PCOLCE2: variants seen among roughly 807,000 people sequenced by gnomAD.
PCOLCE2 encodes procollagen C-proteinase enhancer 2.
PCOLCE2 carries 42 observed loss-of-function variants against 47.0 expected under a neutral mutation model. The observed-to-expected ratio is 0.89, with a 90% CI of 0.70 to 1.16. The LOEUF (loss-of-function observed/expected upper bound fraction) is 1.16, where lower values mean the gene tolerates loss of function less well. Ranked by LOEUF, PCOLCE2 falls within the 50% of genes most tolerant of loss-of-function variation. PCOLCE2 has a pLI of 0.00. For synonymous variants in PCOLCE2, 169 were observed against 191.7 expected (o/e 0.88, Z 0.98); for missense variants, 500 against 526.1 (o/e 0.95, Z 0.49).
rs1474856504 is a variant in PCOLCE2 at position 142,842,296 on chromosome 3, C to T, written c.573+628G>A. Among the ~76,000 whole-genome samples the T allele has an allele frequency of 6.6e-6, 1 of 152,058 alleles. No homozygotes were observed. The highest frequency in any genetic ancestry group is 1.5e-5 in the Non-Finnish European group (1 of 68,016). ...CATGGACCTGGGGATTTTTATCCTC[C>T]CACAGTTAGTCGCTGCTGCTTATAA... On this transcript the variant is annotated intron_variant, in intron 4 of 8. Transcript: ENST00000295992. The surrounding 1 kb of genome is among the most constrained non-coding windows in gnomAD (Gnocchi z 4.1).
At chr3:142,846,508 C>T (rs751136254) in intron 3 of PCOLCE2, 3 of 152,182 alleles carry the variant, frequency 2.0e-5, no homozygotes, top group Non-Finnish European at 2.9e-5. Context: ...CCCCTCTTGA[C>T]TCTGTGAGTT....
intron 2 of PCOLCE2, among the ~76,000 whole-genome samples, chr3:142,868,828 G>GCACT (rs1331431066): frequency 6.6e-6 from 1 of 152,138 alleles, no homozygotes; most frequent in Non-Finnish European, 1.5e-5. Context: ...CTGTAAGGGC[G>GCACT]CACTATTCAA....
Position 142,886,681 on chromosome 3 carries a change from C to T in PCOLCE2, c.192+988G>A, listed in dbSNP as rs544261517. On this transcript the variant is annotated intron_variant, in intron 2 of 8. Coordinates refer to ENST00000295992, the MANE Select transcript of PCOLCE2 (RefSeq NM_013363.4). Reference sequence around the variant, plus strand: ...TTTACTTTTACATAAAGTTGGGCTTCCCGACTGTCTGATCAAGTCAATTTC... The same window carrying T: ...TTTACTTTTACATAAAGTTGGGCTTTCCGACTGTCTGATCAAGTCAATTTC... Among the ~76,000 whole-genome samples the T allele has an allele frequency of 2.6e-5, 4 of 152,280 alleles. No homozygotes were observed. The South Asian group carries it at 8.3e-4, about 32-fold the overall frequency.
At chr3:142,827,045 G>A in intron 6 of PCOLCE2, 1 of 940,418 alleles carries the variant, frequency 1.1e-6, no homozygotes, top group South Asian at 1.4e-5. Context: ...ATATATTGAT[G>A]ACTCTTACTT....
chr3:142,833,889 CCT>C (rs1356768885), intron 5 of PCOLCE2, among the ~76,000 whole-genome samples: 4 of 151,810 alleles, frequency 2.6e-5, no homozygotes, highest in Admixed American at 6.6e-5. Context: ...TTTTCTTTTC[CCT>C]CTCTTTCAGG....
At position 142,888,797 on chromosome 3, in the gene PCOLCE2, G is replaced by A; in HGVS notation, c.83+17C>T. 1.4e-6 allele frequency: 2 copies of A among 1,451,206 alleles called. No individual in the cohort carries two copies. The highest frequency in any genetic ancestry group is 1.4e-5 in the South Asian group (1 of 71,836). 89.9% of individuals were successfully genotyped at this position (1,451,206 alleles called of 1,614,324 possible). A position where few individuals can be genotyped will look rare whatever the true frequency, so the allele number is the denominator to read the frequency against. On this transcript the variant is annotated intron_variant, in intron 1 of 8. Coordinates refer to ENST00000295992, the MANE Select transcript of PCOLCE2 (RefSeq NM_013363.4). ...AGGGAAAGGAGAGAAAGGGAGCCCG[G>A]GCAGGGGTCGCGTTACCTCTCTGGG... is the stretch of plus-strand genomic sequence containing the variant.
chr3:142,857,606 T>C (rs1236666805), intron 2 of PCOLCE2, among the ~76,000 whole-genome samples: 1 of 152,170 alleles, frequency 6.6e-6, no homozygotes, highest in African/African-American at 2.4e-5. Context: ...AAAAAATCCA[T>C]GACAAACTGT....
intron 2 of PCOLCE2, 87 bp downstream of exon 2, chr3:142,887,582 A>C (rs1933739112): frequency 1.4e-6 from 1 of 718,720 alleles, no homozygotes; most frequent in Admixed American, 2.3e-5. Context: ...CTCTTACTCA[A>C]ATCCTAACAC....
At chr3:142,868,627 A>G (rs541687429) in intron 2 of PCOLCE2, among the ~76,000 whole-genome samples, 18 of 152,084 alleles carry the variant, frequency 1.2e-4, no homozygotes, top group African/African-American at 4.3e-4. Context: ...CACCTTGCAT[A>G]ACCATTTTTT....
intron 2 of PCOLCE2, among the ~76,000 whole-genome samples, chr3:142,856,272 G>A (rs1235688913): frequency 2.0e-5 from 3 of 152,186 alleles, no homozygotes; most frequent in East Asian, 3.9e-4. Flanking sequence ...GGCACATACT[G>A]TAATTTCCAT....
At chr3:142,827,953 C>T (rs1483275571) in intron 6 of PCOLCE2, among the ~76,000 whole-genome samples, 2 of 152,194 alleles carry the variant, frequency 1.3e-5, no homozygotes, top group Non-Finnish European at 2.9e-5. Context: ...CTGACACCTA[C>T]CTCCCTGACC....
intron 5 of PCOLCE2, among the ~76,000 whole-genome samples, chr3:142,834,488 G>A (rs1319471629): frequency 6.6e-6 from 1 of 151,936 alleles, no homozygotes; most frequent in Non-Finnish European, 1.5e-5. Flanking sequence ...TCCTGAGCAG[G>A]ATTTTTATTG....
intron 5 of PCOLCE2, among the ~76,000 whole-genome samples, chr3:142,832,078 T>A (rs1937157583): frequency 6.6e-6 from 1 of 152,236 alleles, no homozygotes; most frequent in African/African-American, 2.4e-5. Flanking sequence ...TAGAGCCAGT[T>A]ACTGTTAGCT....
In PCOLCE2 at chr3:142,829,710, T is replaced by C. The variant is rs1937123785; in HGVS notation, c.847A>G (p.Thr283Ala). The C allele has an allele frequency of 1.9e-6, 3 of 1,593,278 alleles. No individual in the cohort carries two copies. In the African/African-American group the frequency reaches 4.0e-5, roughly 21 times the overall value. ...AACTTACCCGTGGTTACAGGGAATGTGGTGGTGACAGGCTGTTCTGTAGTT... is the reference window on the plus strand; with the variant it reads ...AACTTACCCGTGGTTACAGGGAATGCGGTGGTGACAGGCTGTTCTGTAGTT... Reference protein sequence around the residue: ...PTTTEQPVTTTFPVTTGLKPT... With the variant: ...PTTTEQPVTTAFPVTTGLKPT... Residue 283 changes from threonine to alanine, a missense_variant, in exon 6 of 9, where the codon ACA (threonine) becomes GCA (alanine). By Grantham distance (58) the Thr-to-Ala change is moderately conservative. Transcript: ENST00000295992.
chr3:142,866,386 G>C (rs908837252), intron 2 of PCOLCE2, among the ~76,000 whole-genome samples: 10 of 152,166 alleles, frequency 6.6e-5, no homozygotes, highest in Admixed American at 5.9e-4. Flanking sequence ...TCAGGTCTCT[G>C]AACTTGGACT....
chr3:142,871,907 C>A (rs1245125109), intron 2 of PCOLCE2, among the ~76,000 whole-genome samples: 9 of 152,132 alleles, frequency 5.9e-5, no homozygotes, highest in African/African-American at 1.4e-4. Context: ...ATTGGTTCTA[C>A]TTCTGGAGAA....
Position 142,824,598 on chromosome 3 carries a change from T to C in PCOLCE2, c.866-983A>G, listed in dbSNP as rs565492583. 1.4e-3 allele frequency among the ~76,000 whole-genome samples: 211 copies of C among 152,080 alleles called. 1 individual carries two copies. The highest frequency in any genetic ancestry group is 4.9e-3 in the African/African-American group (201 of 41,370). ...ATATCCACAGTTGTAATATTGCTCTTCCAACAGGCCCCACCAACTCCTCTG... is the reference window on the plus strand; with the variant it reads ...ATATCCACAGTTGTAATATTGCTCTCCCAACAGGCCCCACCAACTCCTCTG... On this transcript the variant is annotated intron_variant, in intron 6 of 8. Transcript: ENST00000295992.
At chr3:142,841,916 T>G (rs1232099155) in intron 4 of PCOLCE2, among the ~76,000 whole-genome samples, 1 of 152,236 alleles carries the variant, frequency 6.6e-6, no homozygotes, top group Non-Finnish European at 1.5e-5. Flanking sequence ...GTAGATTTCA[T>G]GTGTTTCTAT....
chr3:142,824,645 TATTTA>T (rs1937053497), intron 6 of PCOLCE2, among the ~76,000 whole-genome samples: 1 of 152,166 alleles, frequency 6.6e-6, no homozygotes, highest in Non-Finnish European at 1.5e-5. Flanking sequence ...TTTATCTATT[TATTTA>T]TTTTTGACAT....
Sources: allele counts gnomAD v4.1 joint callset (sites outside exome capture counted in the v4.1 genomes callset), GRCh38; gene constraint gnomAD v4.1.1; non-coding constraint Gnocchi (gnomAD v3.1); transcripts MANE v1.5; gene names NCBI Gene and HGNC (gene_info 2026-07-23, HGNC 2026-07-21).